Variants in CD226 observed in about 807,000 individuals in gnomAD.
CD226 encodes the protein CD226 molecule.
Under a neutral mutation model 34.9 loss-of-function variants are expected in CD226, and 24 were observed. The ratio of observed to expected loss-of-function variants is 0.69; its 90% CI spans 0.50 to 0.97. The LOEUF is 0.97. Among genes scored for constraint, CD226 ranks in the 50% least tolerant of loss-of-function variants. CD226 has a pLI of 0.00. For synonymous variants in CD226, 148 were observed against 147.4 expected, an observed-to-expected ratio of 1.00 and a Z score of -0.03; for missense variants, 397 against 412.7, an observed-to-expected ratio of 0.96 and a Z score of 0.33.
chr18:69,872,237 A>C (rs1983580687), intron 4 of CD226, among the ~76,000 whole-genome samples: 1 of 152,040 alleles, frequency 6.6e-6, no homozygotes. Context: ...AGAAGATAAC[A>C]CTTTAGCTGT....
upstream of CD226, among the ~76,000 whole-genome samples, chr18:69,949,230 A>G (rs1210328470): frequency 6.6e-6 from 1 of 152,154 alleles, no homozygotes; most frequent in Non-Finnish European, 1.5e-5. Context: ...GCTCTCAGTA[A>G]CGCCTGTGAC....
chr18:69,868,883 G>T (rs78343961), intron 4 of CD226, among the ~76,000 whole-genome samples: 1,880 of 152,192 alleles, frequency 0.012, 38 homozygotes, highest in African/African-American at 0.041. Flanking sequence ...AAACAAAAGA[G>T]AACATGGAAC....
chr18:69,856,838 A>C lies in CD226; in HGVS notation c.*7476T>G, dbSNP rs1982623923. The C allele has an allele frequency of 6.6e-6, 1 of 152,220 alleles. No homozygotes were observed. Among genetic ancestry groups the C allele is most frequent in the African/African-American group, 2.4e-5 (1 of 41,466 alleles). The allele number at this position is 152,220 out of a possible 1,614,324, so 9.4% of individuals were successfully genotyped here. A position where few individuals can be genotyped will look rare whatever the true frequency, so the allele number is the denominator to read the frequency against. On this transcript the variant is annotated 3_prime_UTR_variant, in exon 6 of 6. Transcript: ENST00000582621. ...TTAAGTGCCACTATTGGAAAAGAAA[A>C]CAACATATAAAATCAATAATCTAGG...
At chr18:69,918,328 G>C (rs1452328649) in intron 2 of CD226, among the ~76,000 whole-genome samples, 2 of 152,152 alleles carry the variant, frequency 1.3e-5, no homozygotes, top group African/African-American at 4.8e-5. Flanking sequence ...CGAGGCAGGT[G>C]GATCACCTGA....
intron 2 of CD226, among the ~76,000 whole-genome samples, chr18:69,945,757 C>A (rs2055781153): frequency 6.6e-6 from 1 of 152,016 alleles, no homozygotes. Flanking sequence ...GAAGATATTC[C>A]CAAGACTGGG....
At chr18:69,917,836 T>G (rs1392136767) in intron 2 of CD226, among the ~76,000 whole-genome samples, 1 of 152,228 alleles carries the variant, frequency 6.6e-6, no homozygotes, top group Non-Finnish European at 1.5e-5. Context: ...TAATCCATTG[T>G]TGATTATGCT....
chr18:69,948,226 C>A (rs2055816206), upstream of CD226, among the ~76,000 whole-genome samples: 1 of 152,182 alleles, frequency 6.6e-6, no homozygotes, highest in Non-Finnish European at 1.5e-5. Context: ...TCAGGTTCAT[C>A]ATTGCTCTCT....
chr18:69,934,693 T>C (rs557697015), intron 2 of CD226, among the ~76,000 whole-genome samples: 1 of 152,322 alleles, frequency 6.6e-6, no homozygotes, highest in East Asian at 1.9e-4. Context: ...TGTAAGTTGG[T>C]TAAATAGCTG....
chr18:69,883,279 T>C (rs1380556387), intron 3 of CD226, among the ~76,000 whole-genome samples: 1 of 152,120 alleles, frequency 6.6e-6, no homozygotes, highest in Admixed American at 6.5e-5. Flanking sequence ...CCGTTGTTTT[T>C]TATAACAATA....
intron 3 of CD226, among the ~76,000 whole-genome samples, chr18:69,875,496 A>G (rs1983810177): frequency 6.6e-6 from 1 of 152,198 alleles, no homozygotes; most frequent in African/African-American, 2.4e-5. Flanking sequence ...ACCCATTTAC[A>G]TTCCCGCCAA....
At chr18:69,909,064 C>T (rs1245554560) in intron 2 of CD226, among the ~76,000 whole-genome samples, 3 of 152,226 alleles carry the variant, frequency 2.0e-5, no homozygotes, top group Non-Finnish European at 4.4e-5. Flanking sequence ...ACTCCCTCCT[C>T]TGTTTTACCT....
chr18:69,934,306 A>ACACACACACACACG (rs2055625270), intron 2 of CD226, among the ~76,000 whole-genome samples: 2 of 151,212 alleles, frequency 1.3e-5, no homozygotes, highest in African/African-American at 4.9e-5. Context: ...ACACACACAC[A>ACACACACACACACG]CACACGCACG....
intron 2 of CD226, among the ~76,000 whole-genome samples, chr18:69,938,508 G>C (rs781304101): frequency 6.6e-6 from 1 of 152,178 alleles, no homozygotes; most frequent in South Asian, 2.1e-4. Flanking sequence ...ATCCTGGTTT[G>C]TTGTTCCATA....
At chr18:69,954,710 C>T (rs2055882081) in intron 1 of CD226, among the ~76,000 whole-genome samples, 1 of 152,014 alleles carries the variant, frequency 6.6e-6, no homozygotes, top group South Asian at 2.1e-4. Context: ...GCCAACTAGT[C>T]AAGAGATGAA....
intron 3 of CD226, among the ~76,000 whole-genome samples, chr18:69,878,799 T>G (rs1984036307): frequency 6.6e-6 from 1 of 152,190 alleles, no homozygotes; most frequent in Non-Finnish European, 1.5e-5. Context: ...CCCAAGACTT[T>G]CAGGGTCAAG....
upstream of CD226, among the ~76,000 whole-genome samples, chr18:69,949,838 TCA>T (rs1193766518): frequency 7.3e-5 from 11 of 150,074 alleles, no homozygotes; most frequent in South Asian, 2.1e-4. Context: ...CCACGCACAC[TCA>T]CACTCATGCA....
At chr18:69,949,082 C>T (rs1004414396), upstream of CD226, among the ~76,000 whole-genome samples, 1 of 151,958 alleles carries the variant, frequency 6.6e-6, no homozygotes, top group Middle Eastern at 3.2e-3. Flanking sequence ...GGGAAGTGAC[C>T]GAAAATGAGA....
chr18:69,907,883 T>C (rs967043202), intron 2 of CD226, among the ~76,000 whole-genome samples: 1 of 152,204 alleles, frequency 6.6e-6, no homozygotes, highest in African/African-American at 2.4e-5. Context: ...GTTAAGTATT[T>C]GAGAGGATGG....
intron 2 of CD226, among the ~76,000 whole-genome samples, chr18:69,937,768 C>T (rs999698854): frequency 1.3e-5 from 2 of 152,128 alleles, no homozygotes; most frequent in East Asian, 1.9e-4. Flanking sequence ...TGAGATTATA[C>T]CCCAGCATTA....
Sources: gnomAD v4.1 joint callset for allele counts (sites outside exome capture counted in the v4.1 genomes callset) on GRCh38, gnomAD v4.1.1 for gene constraint, MANE v1.5 for transcripts, NCBI Gene and HGNC (gene_info 2026-07-23, HGNC 2026-07-21) for gene names.